Variants in ALS2 observed in about 807,000 individuals in gnomAD.
The protein encoded by ALS2 is alsin Rho guanine nucleotide exchange factor ALS2.
In ALS2, 117 loss-of-function variants were observed where a neutral mutation model predicts 203.4. The observed-to-expected ratio is 0.58, with a 90% CI of 0.50 to 0.67. The LOEUF is 0.67. Ranked by LOEUF, ALS2 falls within the 30% of genes least tolerant of loss-of-function variation. The pLI is 0.00. For synonymous variants in ALS2, 718 were observed against 725.9 expected (o/e 0.99, Z 0.17); for missense variants, 1,715 against 1,989.4 (o/e 0.86, Z 2.62).
In ALS2 at chr2:201,760,889, G is replaced by T. The variant is rs777418551; in HGVS notation, c.1105C>A (p.Pro369Thr). 6.2e-7 allele frequency: 1 copy of T among 1,612,600 alleles called. No homozygotes were observed. Among genetic ancestry groups the T allele is most frequent in the Non-Finnish European group, 8.5e-7 (1 of 1,178,816 alleles). The change falls in exon 4 of 34, where the codon CCA becomes ACA. Residue 369 changes from proline to threonine, a missense_variant. Pro to Thr is a conservative substitution (Grantham distance 38). Coordinates refer to ENST00000264276, the MANE Select transcript of ALS2 (RefSeq NM_020919.4). Reference protein sequence around the residue: ...EDSEHGEKPVPSQPLLEEAIP... With the variant: ...EDSEHGEKPVTSQPLLEEAIP... Reference sequence around the variant, plus strand: ...TAAAATTGAGCAGGTACCTGAGATGGCACTGGCTTTTCACCATGCTCTGAG... The same window carrying T: ...TAAAATTGAGCAGGTACCTGAGATGTCACTGGCTTTTCACCATGCTCTGAG...
Position 201,760,913 on chromosome 2 carries a change from A to G in ALS2, c.1081T>C (p.Ser361Pro). Reference protein sequence around the residue: ...KLSDHSVREDSEHGEKPVPSQ... With the variant: ...KLSDHSVREDPEHGEKPVPSQ... ...GGCACTGGCTTTTCACCATGCTCTG[A>G]GTCCTCTCTTACTGAATGATCTGAC... is the stretch of plus-strand genomic sequence containing the variant. Residue 361 changes from serine (S) to proline (P), a missense_variant, in exon 4 of 34, where the codon TCA becomes CCA. Ser to Pro is a moderately conservative substitution (Grantham distance 74). Around this residue, in one of 3 missense-constraint regions of ALS2, gnomAD observed 476 missense variants for 539.3 expected, o/e 0.88. Coordinates refer to ENST00000264276, the MANE Select transcript of ALS2 (RefSeq NM_020919.4). 3.7e-6 allele frequency: 6 copies of G among 1,614,162 alleles called. No homozygotes were observed. Among genetic ancestry groups the G allele is most frequent in the Non-Finnish European group, 5.1e-6 (6 of 1,179,984 alleles).
rs557012879 is a variant in ALS2 at position 201,729,107 on chromosome 2, C to T, written c.2657G>A (p.Arg886Lys). 4.3e-6 allele frequency: 7 copies of T among 1,614,024 alleles called. No homozygotes were observed. In the South Asian group the frequency reaches 7.7e-5, roughly 18 times the overall value. Residue 886 changes from arginine to lysine, a missense_variant, in exon 14 of 34, where the codon AGG (arginine) becomes AAG (lysine). Coordinates refer to ENST00000264276, the MANE Select transcript of ALS2 (RefSeq NM_020919.4). ...GCCCAGTGTGTATTCTGCTTCCTTC[C>T]TTTTCCTGCCGAGATGGAGAGCAAG... is the stretch of plus-strand genomic sequence containing the variant. ...ECLALHLGRK[R>K]KEAEYTLGFW...
At chr2:201,755,355 T>C (rs1043644884) in intron 5 of ALS2, among the ~76,000 whole-genome samples, 2 of 152,132 alleles carry the variant, frequency 1.3e-5, no homozygotes, top group Admixed American at 1.3e-4. Context: ...CTCTGCTTCC[T>C]GGGTTCAAGT....
intron 10 of ALS2, 98 bp from the exon 11 acceptor site, chr2:201,741,952 C>G: frequency 1.8e-6 from 2 of 1,137,486 alleles, no homozygotes; most frequent in East Asian, 2.5e-5. Flanking sequence ...GACTACTTAA[C>G]CTGTTGCCAT....
Position 201,701,792 on chromosome 2 carries a change from T to C in ALS2, c.*59A>G. Reference sequence around the variant, plus strand: ...TTCTTTTTTGCCACTACAGGAAGACTCCAGATGGTGTTATAACACTCTGTA... The same window carrying C: ...TTCTTTTTTGCCACTACAGGAAGACCCCAGATGGTGTTATAACACTCTGTA... On this transcript the variant is annotated 3_prime_UTR_variant, in exon 34 of 34. Coordinates refer to ENST00000264276, the MANE Select transcript of ALS2 (RefSeq NM_020919.4). 6.6e-7 allele frequency: 1 copy of C among 1,513,740 alleles called. No homozygotes were observed. The allele number at this position is 1,513,740 out of a possible 1,614,324, so 93.8% of individuals were successfully genotyped here.
At chr2:201,707,783 G>A (rs771551938) in intron 28 of ALS2, 86 bp downstream of exon 28, 1 of 1,537,904 alleles carries the variant, frequency 6.5e-7, no homozygotes, top group Non-Finnish European at 8.9e-7. Context: ...TAGATCTAGA[G>A]AACACACTTT....
intron 28 of ALS2, 151 bp downstream of exon 28, chr2:201,707,718 T>C: frequency 2.0e-6 from 2 of 987,398 alleles, no homozygotes; most frequent in Non-Finnish European, 3.1e-6. Context: ...TGTGAGCCAC[T>C]GTGGCTGGCC....
intron 1 of ALS2, among the ~76,000 whole-genome samples, chr2:201,771,914 T>C (rs550195343): frequency 1.5e-4 from 23 of 152,352 alleles, no homozygotes; most frequent in Admixed American, 4.6e-4. Flanking sequence ...AGAAGCCATG[T>C]GATGTTGCAT....
intron 17 of ALS2, 94 bp from the exon 18 acceptor site, chr2:201,726,960 T>C (rs1012801703): frequency 5.2e-6 from 6 of 1,151,670 alleles, no homozygotes; most frequent in Non-Finnish European, 7.6e-6. Flanking sequence ...GAATAAATTA[T>C]TTGTGTCCTA....
chr2:201,712,874 G>A (rs1373915429), intron 25 of ALS2, among the ~76,000 whole-genome samples: 1 of 152,038 alleles, frequency 6.6e-6, no homozygotes, highest in East Asian at 1.9e-4. Flanking sequence ...ACTTCCTTCT[G>A]GCTTCCAAGG....
In ALS2 at chr2:201,727,739, A is replaced by G; in HGVS notation, c.2878T>C (p.Trp960Arg). 2 of 1,551,732 alleles carry G rather than the reference A, an allele frequency of 1.3e-6. No individual in the cohort carries two copies. The highest frequency in any genetic ancestry group is 1.7e-6 in the Non-Finnish European group (2 of 1,147,018). ...GCTTCTTCAGACAGTGGCTCTGCCC[A>G]CAGCGTGGCCAGAGGGAAAACATGG... is the stretch of plus-strand genomic sequence containing the variant. The part of the protein sequence containing the change: ...THHVFPLATL[W>R]AEPLSEEAGG... The change falls in exon 16 of 34, where the codon TGG becomes CGG. Residue 960 changes from tryptophan (W) to arginine (R), a missense_variant. Transcript: ENST00000264276.
intron 8 of ALS2, among the ~76,000 whole-genome samples, chr2:201,747,738 C>A (rs1048587598): frequency 3.3e-5 from 5 of 152,110 alleles, no homozygotes; most frequent in African/African-American, 1.2e-4. Flanking sequence ...CGTGAGCTAC[C>A]GCGCCCAGCC....
At chr2:201,732,408 A>C (rs952965862) in intron 13 of ALS2, among the ~76,000 whole-genome samples, 1 of 151,430 alleles carries the variant, frequency 6.6e-6, no homozygotes, top group African/African-American at 2.4e-5. Flanking sequence ...ACAAAAAAAA[A>C]AAAAAAAAAA....
intron 4 of ALS2, among the ~76,000 whole-genome samples, chr2:201,758,596 G>A (rs1181648886): frequency 1.3e-5 from 2 of 152,062 alleles, no homozygotes; most frequent in Admixed American, 1.3e-4. Flanking sequence ...TAAAAAGGAA[G>A]GTCATTAAAT....
At chr2:201,758,764 G>GTGTGTGTGTGTGCGCA (rs1693567774) in intron 4 of ALS2, among the ~76,000 whole-genome samples, 1 of 151,440 alleles carries the variant, frequency 6.6e-6, no homozygotes, top group African/African-American at 2.4e-5. Flanking sequence ...GTGCGCATGT[G>GTGTGTGTGTGTGCGCA]TGTGTGTGTG....
Position 201,706,851 on chromosome 2 carries a change from C to T in ALS2, c.4575G>A (p.Val1525=), listed in dbSNP as rs751257688. ...PDIALLGFLG[V]QRKFWPATLS... is the part of the protein sequence containing the mutation. The stretch of plus-strand genomic sequence containing the variant: ...CTTGTAACTACTACACTTACCTCTG[C>T]ACCCCAAGAAAGCCCAGGAGAGCAA... Residue 1525 remains valine (V), a synonymous_variant, in exon 29 of 34, where the codon GTG becomes GTA. Coordinates refer to ENST00000264276, the MANE Select transcript of ALS2 (RefSeq NM_020919.4). 4.3e-6 allele frequency: 7 copies of T among 1,613,858 alleles called. No individual in the cohort carries two copies. The South Asian group carries it at 5.5e-5, about 13-fold the overall frequency.
chr2:201,755,830 G>C (rs887228210), intron 5 of ALS2, among the ~76,000 whole-genome samples: 4 of 152,166 alleles, frequency 2.6e-5, no homozygotes, highest in African/African-American at 9.7e-5. Context: ...TATGTGAATA[G>C]TGTTTGATGC....
chr2:201,738,996 T>TG (rs1692067334), intron 11 of ALS2, among the ~76,000 whole-genome samples: 1 of 151,950 alleles, frequency 6.6e-6, no homozygotes, highest in Admixed American at 6.6e-5. Context: ...CCCAGCACTT[T>TG]GGGAGGCTAA....
intron 14 of ALS2, among the ~76,000 whole-genome samples, 179 bp from the exon 15 acceptor site, chr2:201,728,819 AT>A: frequency 6.6e-6 from 1 of 151,398 alleles, no homozygotes; most frequent in African/African-American, 2.4e-5. Context: ...CTCAAAGGAG[AT>A]TAAAAAGAAG....
Sources: allele counts gnomAD v4.1 joint callset (sites outside exome capture counted in the v4.1 genomes callset), GRCh38; gene constraint gnomAD v4.1.1; regional missense constraint gnomAD v4.1.1; transcripts MANE v1.5; gene names NCBI Gene and HGNC (gene_info 2026-07-23, HGNC 2026-07-21).